Variants in GABRG3 observed in about 807,000 individuals in gnomAD.
GABRG3 encodes gamma-aminobutyric acid receptor subunit gamma-3.
Under a neutral mutation model 48.8 loss-of-function variants are expected in GABRG3, and 25 were observed. The observed-to-expected ratio is 0.51, with a 90% CI of 0.37 to 0.72. GABRG3 has a LOEUF of 0.72. Among genes scored for constraint, GABRG3 ranks in the 30% least tolerant of loss-of-function variants. The pLI is 0.00. For missense variants in GABRG3, 394 were observed against 577.9 expected, an observed-to-expected ratio of 0.68 and a Z score of 3.26; for synonymous variants, 227 against 217.6, an observed-to-expected ratio of 1.04 and a Z score of -0.38.
chr15:27,010,210 G>C (rs1895659566), intron 2 of GABRG3, among the ~76,000 whole-genome samples: 3 of 152,162 alleles, frequency 2.0e-5, no homozygotes, highest in South Asian at 4.1e-4. Flanking sequence ...TTGGGATCTA[G>C]GGTAATTTGT....
At chr15:27,359,592 C>T (rs1213539334) in intron 5 of GABRG3, among the ~76,000 whole-genome samples, 1 of 152,068 alleles carries the variant, frequency 6.6e-6, no homozygotes, top group Non-Finnish European at 1.5e-5. Context: ...GCAATCTAGC[C>T]TCATGATTAA....
At chr15:27,256,898 TG>T (rs1890638083) in intron 3 of GABRG3, among the ~76,000 whole-genome samples, 1 of 152,242 alleles carries the variant, frequency 6.6e-6, no homozygotes, top group Admixed American at 6.5e-5. Flanking sequence ...AGACGTCTCC[TG>T]GACATACTGA....
At chr15:27,237,540 C>T (rs1347502642) in intron 3 of GABRG3, among the ~76,000 whole-genome samples, 1 of 152,170 alleles carries the variant, frequency 6.6e-6, no homozygotes, top group East Asian at 1.9e-4. Flanking sequence ...CAGAAAACAG[C>T]TCCATGGGTT....
intron 6 of GABRG3, among the ~76,000 whole-genome samples, chr15:27,500,466 C>T (rs775835861): frequency 6.6e-6 from 1 of 152,164 alleles, no homozygotes; most frequent in Non-Finnish European, 1.5e-5. Flanking sequence ...CAGAAACAGC[C>T]GCACCTGTCA....
chr15:27,187,157 C>A (rs1888124578), intron 3 of GABRG3, among the ~76,000 whole-genome samples: 1 of 152,100 alleles, frequency 6.6e-6, no homozygotes, highest in Non-Finnish European at 1.5e-5. Context: ...GACCAGTTAT[C>A]CCAGCATTAT....
chr15:27,214,825 C>T (rs554059169), intron 3 of GABRG3, among the ~76,000 whole-genome samples: 3 of 152,084 alleles, frequency 2.0e-5, no homozygotes, highest in East Asian at 1.9e-4. Flanking sequence ...AGGTGAGACT[C>T]ATCTCCTTCT....
chr15:27,113,862 A>T (rs1328351422), intron 3 of GABRG3, among the ~76,000 whole-genome samples: 1 of 152,212 alleles, frequency 6.6e-6, no homozygotes, highest in Non-Finnish European at 1.5e-5. Context: ...TTCGTAGAGG[A>T]AAAGGTGGAC....
chr15:27,244,112 A>C (rs1890206830), intron 3 of GABRG3, among the ~76,000 whole-genome samples: 1 of 152,190 alleles, frequency 6.6e-6, no homozygotes, highest in Non-Finnish European at 1.5e-5. Context: ...AAGGTTGAAA[A>C]TATAGCTTCT....
Position 27,533,128 on chromosome 15 carries a change from A to G in GABRG3, c.*247A>G. 1 of 416,982 alleles carries G rather than the reference A, an allele frequency of 2.4e-6. No individual in the cohort carries two copies. The allele number at this position is 416,982 out of a possible 1,614,324, so 25.8% of individuals were successfully genotyped here. ...TAATATTCTTGCTAATCCCTACTGA[A>G]TTGTAGCTTGGTGTTGTTTCTGAAT... On this transcript the variant is annotated 3_prime_UTR_variant, in exon 10 of 10. Coordinates refer to ENST00000615808, the MANE Select transcript of GABRG3 (RefSeq NM_033223.5).
At chr15:27,510,191 T>G (rs542743719) in intron 6 of GABRG3, among the ~76,000 whole-genome samples, 65 of 152,296 alleles carry the variant, frequency 4.3e-4, no homozygotes, top group Admixed American at 7.2e-4. Context: ...TTGTTGCGTG[T>G]GGGTGGTTGG....
chr15:27,053,141 A>G (rs933146635), intron 3 of GABRG3, among the ~76,000 whole-genome samples: 7 of 152,216 alleles, frequency 4.6e-5, no homozygotes, highest in Admixed American at 6.5e-5. Flanking sequence ...AGCAATTGCA[A>G]CAAAAACAAA....
rs1894918330 is a variant in GABRG3, at chr15:26,975,217, T to C, written c.54-1785T>C. ...TTTTAGAGTAACATTTAAAATTCTGTAGTATTACTTGTAAATGTTCACTTT... is the reference window on the plus strand; with the variant it reads ...TTTTAGAGTAACATTTAAAATTCTGCAGTATTACTTGTAAATGTTCACTTT... On this transcript the variant is annotated intron_variant, in intron 1 of 9. Coordinates refer to ENST00000615808, the MANE Select transcript of GABRG3 (RefSeq NM_033223.5). This position sits in a 1 kb window ranked among gnomAD's most constrained non-coding sequence, Gnocchi z 4.6. Among the ~76,000 whole-genome samples the C allele has an allele frequency of 6.6e-6, 1 of 152,184 alleles. No individual in the cohort carries two copies.
intron 5 of GABRG3, among the ~76,000 whole-genome samples, chr15:27,477,115 CA>C (rs1317258261): frequency 1.3e-5 from 2 of 152,114 alleles, no homozygotes; most frequent in African/African-American, 4.8e-5. Context: ...GTCACATCCA[CA>C]AAAAACTTGC....
At chr15:27,336,237 G>GA (rs1185008383) in intron 5 of GABRG3, among the ~76,000 whole-genome samples, 2 of 143,322 alleles carry the variant, frequency 1.4e-5, no homozygotes, top group African/African-American at 5.6e-5. Context: ...AGAGAGAGGA[G>GA]AAGAAAAGAA....
chr15:27,460,519 G>A (rs568136161), intron 5 of GABRG3, among the ~76,000 whole-genome samples: 2 of 152,328 alleles, frequency 1.3e-5, no homozygotes, highest in South Asian at 2.1e-4. Flanking sequence ...AAAGGCAGGG[G>A]TAAATTTCAG....
At chr15:27,426,038 C>T (rs1281725739) in intron 5 of GABRG3, among the ~76,000 whole-genome samples, 2 of 152,178 alleles carry the variant, frequency 1.3e-5, no homozygotes, top group Admixed American at 6.5e-5. Flanking sequence ...TCTGAGTTTG[C>T]ACCAATTTGA....
intron 3 of GABRG3, among the ~76,000 whole-genome samples, chr15:27,314,042 A>G (rs1893125322): frequency 6.6e-6 from 1 of 152,072 alleles, no homozygotes; most frequent in East Asian, 1.9e-4. Context: ...TCAAAAGATA[A>G]ACAAAATTGA....
chr15:26,971,669 T>C, intron 1 of GABRG3, 81 bp downstream of exon 1: 1 of 1,418,950 alleles, frequency 7.0e-7, no homozygotes, highest in Non-Finnish European at 9.2e-7. Flanking sequence ...CTGGAGTCCC[T>C]GGCGCGCCAG....
chr15:27,201,431 GGA>G (rs1428677924), intron 3 of GABRG3, among the ~76,000 whole-genome samples: 1 of 151,380 alleles, frequency 6.6e-6, no homozygotes. Context: ...AGAAGACAGA[GGA>G]GAGAGAAGAG....
Sources: gnomAD v4.1 joint callset for allele counts (sites outside exome capture counted in the v4.1 genomes callset) on GRCh38, gnomAD v4.1.1 for gene constraint, Gnocchi (gnomAD v3.1) non-coding constraint, MANE v1.5 for transcripts, NCBI Gene and HGNC (gene_info 2026-07-23, HGNC 2026-07-21) for gene names.